CMSS1: variants seen among roughly 807,000 people sequenced by gnomAD.
The protein encoded by CMSS1 is protein CMSS1.
A neutral mutation model predicts 43.5 loss-of-function variants in CMSS1; 33 were observed. That is an observed-to-expected ratio of 0.76 (90% CI 0.57 to 1.01). The LOEUF (loss-of-function observed/expected upper bound fraction) is 1.01. Ranked by LOEUF, CMSS1 falls within the 50% of genes least tolerant of loss-of-function variation. CMSS1 has a pLI of 0.00. For missense variants in CMSS1, 313 were observed against 326.4 expected, an observed-to-expected ratio of 0.96 and a Z score of 0.32; for synonymous variants, 115 against 117.2, an observed-to-expected ratio of 0.98 and a Z score of 0.12.
intron 1 of CMSS1, among the ~76,000 whole-genome samples, chr3:99,820,312 T>G (rs1489005804): frequency 6.6e-6 from 1 of 151,668 alleles, no homozygotes; most frequent in Non-Finnish European, 1.5e-5. Context: ...TTCTCCTGCC[T>G]CAGCCTCCCG....
intron 1 of CMSS1, among the ~76,000 whole-genome samples, chr3:99,967,393 A>T (rs542193589): frequency 6.6e-6 from 1 of 152,332 alleles, no homozygotes; most frequent in East Asian, 1.9e-4. Flanking sequence ...GTGAAGAGTA[A>T]ATAGAAGTGT....
intron 1 of CMSS1, among the ~76,000 whole-genome samples, chr3:100,019,252 CG>C (rs1159284284): frequency 6.6e-5 from 10 of 152,080 alleles, no homozygotes; most frequent in African/African-American, 2.4e-4. Flanking sequence ...TTCAGCTACT[CG>C]GGAGGCTGAG....
intron 1 of CMSS1, chr3:99,851,083 A>G (rs1364743885): frequency 2.6e-6 from 4 of 1,555,508 alleles, no homozygotes; most frequent in Non-Finnish European, 2.6e-6. Flanking sequence ...GAAAAATGTA[A>G]AGTGCATTTT....
chr3:100,117,837 A>ATG (rs1476438039), intron 1 of CMSS1, among the ~76,000 whole-genome samples: 1 of 95,268 alleles, frequency 1.0e-5, no homozygotes, highest in African/African-American at 4.6e-5. Context: ...ATATATATAT[A>ATG]TATATATATA....
At position 99,929,819 on chromosome 3, in the gene CMSS1, C is replaced by T. The variant is rs1160675605; in HGVS notation, c.64+111776C>T. On this transcript the variant is annotated intron_variant, in intron 1 of 9. Coordinates refer to ENST00000421999, the MANE Select transcript of CMSS1 (RefSeq NM_032359.4). ...GCTCATCTGCAGGGCTAGTGCTTGG[C>T]TGCCTCCCAGGTACACACCCCTATT... 6 of 1,518,024 alleles carry T rather than the reference C, an allele frequency of 4.0e-6. No individual in the cohort carries two copies. The East Asian group carries it at 1.4e-4, about 36-fold the overall frequency. 94.0% of individuals were successfully genotyped at this position (1,518,024 alleles called of 1,614,324 possible).
intron 1 of CMSS1, among the ~76,000 whole-genome samples, chr3:99,878,400 C>T (rs947373568): frequency 5.9e-5 from 9 of 152,216 alleles, no homozygotes; most frequent in African/African-American, 1.9e-4. Flanking sequence ...CAAGGTCACA[C>T]CGCTACTAAA....
At chr3:100,081,557 T>C (rs2065932347) in intron 1 of CMSS1, among the ~76,000 whole-genome samples, 1 of 152,188 alleles carries the variant, frequency 6.6e-6, no homozygotes, top group Non-Finnish European at 1.5e-5. Context: ...GATTCTTTGG[T>C]TGGGAATAAC....
intron 1 of CMSS1, among the ~76,000 whole-genome samples, chr3:99,968,429 G>A (rs4361315): frequency 0.79 from 116,714 of 148,512 alleles, 45,459 homozygotes; most frequent in African/African-American, 0.84. Context: ...GTTTTTGGGG[G>A]AAAAAAAAAA....
chr3:100,115,801 A>G (rs1212665107), intron 1 of CMSS1, among the ~76,000 whole-genome samples: 2 of 152,192 alleles, frequency 1.3e-5, no homozygotes, highest in South Asian at 2.1e-4. Flanking sequence ...TTTCTAATCC[A>G]TAGATCCCAT....
chr3:99,984,648 A>G (rs536501349), intron 1 of CMSS1, among the ~76,000 whole-genome samples: 17 of 152,258 alleles, frequency 1.1e-4, no homozygotes, highest in South Asian at 8.3e-4. Context: ...CCTTTGCCAA[A>G]TCTACCAAGC....
At position 99,892,369 on chromosome 3, in the gene CMSS1, A is replaced by T. The variant is rs771395104; in HGVS notation, c.64+74326A>T. Among the ~76,000 whole-genome samples the T allele has an allele frequency of 2.1e-4, 32 of 152,206 alleles. 1 individual carries two copies. Among genetic ancestry groups the T allele is most frequent in the Non-Finnish European group, 2.6e-4 (18 of 68,038 alleles). On this transcript the variant is annotated intron_variant, in intron 1 of 9. Coordinates refer to ENST00000421999, the MANE Select transcript of CMSS1 (RefSeq NM_032359.4). ...GCCCTGGCTTCTCCAAGTGGTCTAG[A>T]ATGTGAGTAACCAAAAAATTATACT...
At chr3:100,078,090 AGAT>A (rs968713715) in intron 1 of CMSS1, among the ~76,000 whole-genome samples, 4 of 152,018 alleles carry the variant, frequency 2.6e-5, no homozygotes, top group Non-Finnish European at 4.4e-5. Flanking sequence ...AAAAAAAAAA[AGAT>A]AATATATGCT....
chr3:100,058,401 C>T (rs1283120647), intron 1 of CMSS1, among the ~76,000 whole-genome samples: 2 of 152,190 alleles, frequency 1.3e-5, no homozygotes, highest in Non-Finnish European at 2.9e-5. Flanking sequence ...AATGAGATCA[C>T]CTCTGAAGGC....
chr3:100,015,906 A>G (rs897370293), intron 1 of CMSS1, among the ~76,000 whole-genome samples: 30 of 152,360 alleles, frequency 2.0e-4, no homozygotes, highest in South Asian at 1.0e-3. Context: ...TTGTTGCTCA[A>G]AAATTGTTTT....
At chr3:100,032,523 G>A (rs891323747) in intron 1 of CMSS1, among the ~76,000 whole-genome samples, 13 of 152,126 alleles carry the variant, frequency 8.5e-5, no homozygotes, top group African/African-American at 2.4e-4. Context: ...ACAGCTAGCC[G>A]AATTCCCCTT....
At chr3:99,912,452 CT>C in intron 1 of CMSS1, among the ~76,000 whole-genome samples, 1 of 152,306 alleles carries the variant, frequency 6.6e-6, no homozygotes, top group Non-Finnish European at 1.5e-5. Flanking sequence ...TCTCGGCTTA[CT>C]GCAGCCTTGA....
At chr3:100,058,492 T>A (rs1326499026) in intron 1 of CMSS1, among the ~76,000 whole-genome samples, 1 of 152,182 alleles carries the variant, frequency 6.6e-6, no homozygotes, top group Non-Finnish European at 1.5e-5. Context: ...ATTGATGACC[T>A]CCTCTCTGTC....
intron 1 of CMSS1, among the ~76,000 whole-genome samples, chr3:99,950,236 A>G (rs549511749): frequency 5.7e-4 from 87 of 152,300 alleles, no homozygotes; most frequent in Admixed American, 1.9e-3. Context: ...CTCTGTGTCC[A>G]TGCTATGTAT....
At chr3:100,018,936 A>G (rs891612747) in intron 1 of CMSS1, among the ~76,000 whole-genome samples, 2 of 152,176 alleles carry the variant, frequency 1.3e-5, no homozygotes, top group African/African-American at 2.4e-5. Flanking sequence ...CAAGAGGTAT[A>G]TAAAAAGGTG....
Sources: allele counts gnomAD v4.1 joint callset (sites outside exome capture counted in the v4.1 genomes callset), GRCh38; gene constraint gnomAD v4.1.1; transcripts MANE v1.5; gene names NCBI Gene and HGNC (gene_info 2026-07-23, HGNC 2026-07-21).